Variants in ARHGEF3 observed in about 807,000 individuals in gnomAD.
The protein encoded by ARHGEF3 is 59.8 kDA protein.
A neutral mutation model predicts 63.2 loss-of-function variants in ARHGEF3; 28 were observed. The ratio of observed to expected loss-of-function variants is 0.44; its 90% CI spans 0.33 to 0.61. The LOEUF is 0.61. Ranked by LOEUF, ARHGEF3 falls within the 20% of genes least tolerant of loss-of-function variation. The pLI is 0.03. For missense variants in ARHGEF3, 533 were observed against 659.3 expected, an observed-to-expected ratio of 0.81 and a Z score of 2.10; for synonymous variants, 266 against 254.2, an observed-to-expected ratio of 1.05 and a Z score of -0.44.
chr3:56,732,870 G>A (rs1022393477), intron 8 of ARHGEF3, among the ~76,000 whole-genome samples: 21 of 152,152 alleles, frequency 1.4e-4, no homozygotes, highest in Non-Finnish European at 1.9e-4. Flanking sequence ...TAATCAGGCC[G>A]GATGTGGTGG....
At chr3:56,935,042 A>G (rs1484675666) in intron 3 of ARHGEF3, among the ~76,000 whole-genome samples, 2 of 152,178 alleles carry the variant, frequency 1.3e-5, no homozygotes, top group African/African-American at 2.4e-5. Context: ...GACACTCTGT[A>G]TCTAGCTGCT....
chr3:57,075,330 G>A (rs1484886325), intron 1 of ARHGEF3: 1 of 167,130 alleles, frequency 6.0e-6, no homozygotes, highest in Non-Finnish European at 1.5e-5. Context: ...AGGGAGGAAT[G>A]CTGTCAGTTT....
intron 2 of ARHGEF3, among the ~76,000 whole-genome samples, chr3:56,967,815 TATATA>T (rs1405540354): frequency 3.2e-4 from 22 of 68,192 alleles, no homozygotes; most frequent in East Asian, 1.6e-3. Flanking sequence ...TAATATATAT[TATATA>T]ATATAATATA....
chr3:56,748,107 T>A (rs1340324124), intron 6 of ARHGEF3, among the ~76,000 whole-genome samples: 2 of 152,234 alleles, frequency 1.3e-5, no homozygotes, highest in Non-Finnish European at 2.9e-5. Context: ...TGATCATGGC[T>A]TACTGCAGCC....
In ARHGEF3 at chr3:57,051,593, T is replaced by C. The variant is rs182959647; in HGVS notation, c.-27-16417A>G. On this transcript the variant is annotated intron_variant, in intron 1 of 12. Coordinates refer to the ARHGEF3 transcript ENST00000338458. ...CCAGTGAACATTTACTGAGCCCTCA[T>C]ATGTGCAGGTACTGCTCTTGGTGCT... 2.0e-5 allele frequency among the ~76,000 whole-genome samples: 3 copies of C among 152,360 alleles called. No homozygotes were observed. In the East Asian group the frequency reaches 5.8e-4, roughly 29 times the overall value.
chr3:56,732,466 T>TA, intron 8 of ARHGEF3, 42 bp from the exon 9 acceptor site: 1 of 1,604,208 alleles, frequency 6.2e-7, no homozygotes, highest in East Asian at 2.2e-5. Flanking sequence ...AGCAATAATG[T>TA]AATGAGTGGT....
chr3:57,073,394 C>T (rs769773979), intron 1 of ARHGEF3: 7 of 323,720 alleles, frequency 2.2e-5, no homozygotes, highest in Non-Finnish European at 4.0e-5. Context: ...GAGAGAAAGC[C>T]ACTGGAGTTG....
At chr3:56,958,685 C>T in intron 3 of ARHGEF3, 1 of 905,098 alleles carries the variant, frequency 1.1e-6, no homozygotes, top group Non-Finnish European at 1.7e-6. Context: ...GTGACTTCCC[C>T]AAGTGGTAAA....
At chr3:56,855,640 G>A (rs570867385) in intron 4 of ARHGEF3, among the ~76,000 whole-genome samples, 1 of 149,816 alleles carries the variant, frequency 6.7e-6, no homozygotes, top group African/African-American at 2.5e-5. Flanking sequence ...CCGAGATTAC[G>A]CCACTGCACT....
intron 1 of ARHGEF3, among the ~76,000 whole-genome samples, chr3:57,057,049 T>C (rs1033409308): frequency 6.6e-6 from 1 of 152,216 alleles, no homozygotes; most frequent in Non-Finnish European, 1.5e-5. Flanking sequence ...CCTCCAGCTG[T>C]AGTCCCGTTA....
chr3:56,941,258 A>G (rs1578896486), intron 3 of ARHGEF3, among the ~76,000 whole-genome samples: 1 of 152,228 alleles, frequency 6.6e-6, no homozygotes, highest in African/African-American at 2.4e-5. Flanking sequence ...CATAGGCTGG[A>G]GTGCACTGGC....
At chr3:56,992,571 C>T (rs1701807566) in intron 2 of ARHGEF3, among the ~76,000 whole-genome samples, 1 of 151,968 alleles carries the variant, frequency 6.6e-6, no homozygotes, top group South Asian at 2.1e-4. Flanking sequence ...CTGGATCATG[C>T]CATCCTTCAG....
intron 1 of ARHGEF3, among the ~76,000 whole-genome samples, chr3:57,064,785 A>G (rs1455943944): frequency 1.3e-5 from 2 of 152,202 alleles, no homozygotes; most frequent in Admixed American, 1.3e-4. Context: ...GACTAGGGGC[A>G]GGGGGGAATG....
intron 4 of ARHGEF3, among the ~76,000 whole-genome samples, chr3:56,810,246 T>C (rs1578574384): frequency 6.6e-6 from 1 of 152,170 alleles, no homozygotes; most frequent in Non-Finnish European, 1.5e-5. Context: ...TATTATTTTA[T>C]GTACTCTCTA....
chr3:56,923,085 G>C (rs1042001939), intron 3 of ARHGEF3, among the ~76,000 whole-genome samples: 1 of 126,216 alleles, frequency 7.9e-6, no homozygotes, highest in Non-Finnish European at 1.6e-5. Context: ...TAAATTAGTT[G>C]GGCATGGTGG....
chr3:57,041,883 C>T (rs1704198914), intron 1 of ARHGEF3, among the ~76,000 whole-genome samples: 1 of 152,198 alleles, frequency 6.6e-6, no homozygotes, highest in African/African-American at 2.4e-5. Flanking sequence ...AAGCCACCCG[C>T]TCCAGATGAC....
chr3:57,037,613 G>A lies in ARHGEF3; in HGVS notation c.-27-2437C>T, dbSNP rs865956662. Reference sequence around the variant, plus strand: ...CTTTAGGCTGGGCGCAGTGGCTCACGCCTGTAATCCCAGCACTTTGGGAGG... The same window carrying A: ...CTTTAGGCTGGGCGCAGTGGCTCACACCTGTAATCCCAGCACTTTGGGAGG... On this transcript the variant is annotated intron_variant, in intron 1 of 12. Transcript: ENST00000338458. Among the ~76,000 whole-genome samples, 227 of 152,322 alleles carry A rather than the reference G, an allele frequency of 1.5e-3. 1 individual carries two copies. The highest frequency in any genetic ancestry group is 6.8e-3 in the Middle Eastern group (2 of 294).
chr3:56,857,583 CTG>C (rs2039929805), intron 4 of ARHGEF3, among the ~76,000 whole-genome samples: 1 of 152,192 alleles, frequency 6.6e-6, no homozygotes, highest in African/African-American at 2.4e-5. Context: ...TGACCTAACT[CTG>C]TACTTTTTAT....
chr3:57,074,271 A>G lies in ARHGEF3; in HGVS notation c.-28+4955T>C, dbSNP rs766185774. ...ACACATACACACACATCTGTAATCAATAATAATCCTGCAACATCTGAGAGT... is the reference window on the plus strand; with the variant it reads ...ACACATACACACACATCTGTAATCAGTAATAATCCTGCAACATCTGAGAGT... On this transcript the variant is annotated intron_variant, in intron 1 of 12. Transcript: ENST00000338458. 1.2e-4 allele frequency: 195 copies of G among 1,603,236 alleles called. 2 individuals are homozygous for G. In the South Asian group the frequency reaches 2.0e-3, roughly 16 times the overall value.
Sources: gnomAD v4.1 joint callset for allele counts (sites outside exome capture counted in the v4.1 genomes callset) on GRCh38, gnomAD v4.1.1 for gene constraint, MANE v1.5 for transcripts, NCBI Gene and HGNC (gene_info 2026-07-23, HGNC 2026-07-21) for gene names.